SVIP: variants seen among roughly 807,000 people sequenced by gnomAD.
The protein encoded by SVIP is small VCP interacting protein.
Under a neutral mutation model 12.9 loss-of-function variants are expected in SVIP, and 14 were observed. The ratio of observed to expected loss-of-function variants is 1.08; its 90% CI spans 0.72 to 1.70. The LOEUF is 1.70. Among genes scored for constraint, SVIP ranks in the 40% most tolerant of loss-of-function variants. SVIP has a pLI of 0.00. For missense variants in SVIP, 93 were observed against 90.8 expected (o/e 1.02, Z -0.10); for synonymous variants, 35 against 33.3 (o/e 1.05, Z -0.17).
At position 22,823,508 on chromosome 11, in the gene SVIP, T is replaced by C. The variant is rs75680432; in HGVS notation, c.220-375A>G. Among the ~76,000 whole-genome samples the C allele has an allele frequency of 5.3e-3, 802 of 152,224 alleles. 12 individuals carry two copies. The highest frequency in any genetic ancestry group is 0.038 in the East Asian group (198 of 5,170). Reference sequence around the variant, plus strand: ...GTCCCTCCCTAAAGACAGGACGTCCTTCAATGCTTTAGCCCAAGGAGTCAT... The same window carrying C: ...GTCCCTCCCTAAAGACAGGACGTCCCTCAATGCTTTAGCCCAAGGAGTCAT... On this transcript the variant is annotated intron_variant, in intron 3 of 3. Transcript: ENST00000354193.
intron 3 of SVIP, among the ~76,000 whole-genome samples, chr11:22,826,337 C>T (rs1857701205): frequency 1.3e-5 from 2 of 151,620 alleles, no homozygotes; most frequent in South Asian, 2.1e-4. Flanking sequence ...TGTATATGTC[C>T]ATGTATATGT....
At position 22,822,168 on chromosome 11, in the gene SVIP, T is replaced by G; in HGVS notation, c.*951A>C. 1 of 152,214 alleles carries G rather than the reference T, an allele frequency of 6.6e-6. No individual in the cohort carries two copies. Among genetic ancestry groups the G allele is most frequent in the East Asian group, 1.9e-4 (1 of 5,206 alleles). The allele number at this position is 152,214 out of a possible 1,614,324, so 9.4% of individuals were successfully genotyped here. ...TTAAGGTTTATGACTATGCATTGTA[T>G]AGAATTACCTAATATTTTTATATCT... On this transcript the variant is annotated 3_prime_UTR_variant, in exon 4 of 4. Coordinates refer to ENST00000354193, the MANE Select transcript of SVIP (RefSeq NM_148893.3).
chr11:22,824,548 C>T (rs1002248071), intron 3 of SVIP, among the ~76,000 whole-genome samples: 1 of 149,568 alleles, frequency 6.7e-6, no homozygotes, highest in Admixed American at 6.7e-5. Context: ...AATAAATTTT[C>T]AACATTAAAG....
Position 22,822,015 on chromosome 11 carries a change from C to G in SVIP, c.*1104G>C, listed in dbSNP as rs965881511. On this transcript the variant is annotated 3_prime_UTR_variant, in exon 4 of 4. Transcript: ENST00000354193. ...TATCTGCAAATTTTAATTTAGGGCT[C>G]AACATGTGGCCTTGCCATTTAAAAG... The G allele has an allele frequency of 1.3e-5, 2 of 152,128 alleles. No individual in the cohort carries two copies. The highest frequency in any genetic ancestry group is 2.4e-5 in the African/African-American group (1 of 41,442). The allele number at this position is 152,128 out of a possible 1,614,324, so 9.4% of individuals were successfully genotyped here. A position where few individuals can be genotyped will look rare whatever the true frequency, so the allele number is the denominator to read the frequency against.
chr11:22,824,873 C>T (rs116413386), intron 3 of SVIP, among the ~76,000 whole-genome samples: 1 of 152,088 alleles, frequency 6.6e-6, no homozygotes, highest in Non-Finnish European at 1.5e-5. Context: ...TTTTTGAAAG[C>T]TGCCTATGAA....
At position 22,822,142 on chromosome 11, in the gene SVIP, G is replaced by A. The variant is rs2134742769; in HGVS notation, c.*977C>T. The A allele has an allele frequency of 6.6e-6, 1 of 152,200 alleles. No individual in the cohort carries two copies. Among genetic ancestry groups the A allele is most frequent in the Admixed American group, 6.5e-5 (1 of 15,292 alleles). 9.4% of individuals were successfully genotyped at this position (152,200 alleles called of 1,614,324 possible). ...ATTCATGTTTCTAATGAACAAAAAT[G>A]TTAAGGTTTATGACTATGCATTGTA... On this transcript the variant is annotated 3_prime_UTR_variant, in exon 4 of 4. Transcript: ENST00000354193.
In SVIP at chr11:22,819,019, T is replaced by C. The variant is rs1167315144; in HGVS notation, c.*4100A>G. On this transcript the variant is annotated 3_prime_UTR_variant, in exon 4 of 4. Coordinates refer to ENST00000354193, the MANE Select transcript of SVIP (RefSeq NM_148893.3). Reference sequence around the variant, plus strand: ...AATATTTTATTTGTTGATATTGTAATTTAAATTTTCCCACTTTCAATTACA... The same window carrying C: ...AATATTTTATTTGTTGATATTGTAACTTAAATTTTCCCACTTTCAATTACA... 6.6e-6 allele frequency: 1 copy of C among 152,240 alleles called. No homozygotes were observed. The highest frequency in any genetic ancestry group is 6.5e-5 in the Admixed American group (1 of 15,278). 9.4% of individuals were successfully genotyped at this position (152,240 alleles called of 1,614,324 possible).
Position 22,819,695 on chromosome 11 carries a change from C to G in SVIP, c.*3424G>C, listed in dbSNP as rs1857418603. 6.6e-6 allele frequency: 1 copy of G among 152,408 alleles called. No individual in the cohort carries two copies. The allele number at this position is 152,408 out of a possible 1,614,324, so 9.4% of individuals were successfully genotyped here. A position where few individuals can be genotyped will look rare whatever the true frequency, so the allele number is the denominator to read the frequency against. Reference sequence around the variant, plus strand: ...GCTGAGGCAGGAGAATCACTTGAACCTGGGAGGCAGAGGTTGCGGTGAGCT... The same window carrying G: ...GCTGAGGCAGGAGAATCACTTGAACGTGGGAGGCAGAGGTTGCGGTGAGCT... On this transcript the variant is annotated 3_prime_UTR_variant, in exon 4 of 4. Coordinates refer to ENST00000354193, the MANE Select transcript of SVIP (RefSeq NM_148893.3).
intron 3 of SVIP, among the ~76,000 whole-genome samples, chr11:22,824,148 A>C: frequency 6.6e-6 from 1 of 152,150 alleles, no homozygotes. Context: ...ATATCCAATA[A>C]TCAGTAAAGG....
rs1432635568 is a variant in SVIP, at chr11:22,829,728, A to T, written c.21T>A (p.Cys7Ter). MGLCFP[C>*]PGESAPPTPD... ...GCGTGGGAGGCGCGGACTCCCCGGG[A>T]CAAGGAAAACACAGCCCCATAGGGA... The change falls in exon 1 of 4, where the codon TGT (cysteine) becomes TGA (stop). Residue 7 changes from cysteine (C) to a stop codon, truncating the protein, a stop_gained. Transcript: ENST00000354193. LOFTEE classifies it high-confidence loss of function. The T allele has an allele frequency of 1.2e-6, 2 of 1,607,448 alleles. No homozygotes were observed. Among genetic ancestry groups the T allele is most frequent in the Non-Finnish European group, 1.7e-6 (2 of 1,177,842 alleles).
intron 1 of SVIP, 117 bp downstream of exon 1, chr11:22,829,578 G>C: frequency 9.3e-7 from 1 of 1,072,400 alleles, no homozygotes; most frequent in Non-Finnish European, 1.4e-6. Context: ...TCGCTAGCAG[G>C]GTCCCCCAGC....
At chr11:22,829,366 C>G (rs1857856704) in intron 1 of SVIP, 6 of 275,016 alleles carry the variant, frequency 2.2e-5, no homozygotes, top group Non-Finnish European at 3.4e-5. Flanking sequence ...TACCACATCC[C>G]CCGGAATGTC....
intron 2 of SVIP, among the ~76,000 whole-genome samples, chr11:22,827,594 TAA>T (rs1183177743): frequency 1.3e-5 from 2 of 152,120 alleles, no homozygotes; most frequent in African/African-American, 4.8e-5. Flanking sequence ...AGGATGTTAC[TAA>T]AAGAGTATCT....
At chr11:22,829,118 TACG>T (rs1490237833) in intron 1 of SVIP, 1 of 152,198 alleles carries the variant, frequency 6.6e-6, no homozygotes, top group Non-Finnish European at 1.5e-5. Context: ...TTTTATTAAA[TACG>T]ACATTATAAA....
At chr11:22,824,573 A>G (rs1248199331) in intron 3 of SVIP, among the ~76,000 whole-genome samples, 2 of 151,332 alleles carry the variant, frequency 1.3e-5, no homozygotes, top group African/African-American at 4.9e-5. Flanking sequence ...ATCCAAGTAA[A>G]CTTGCTTTTC....
At chr11:22,826,588 T>C (rs1276620930) in intron 3 of SVIP, among the ~76,000 whole-genome samples, 1 of 152,120 alleles carries the variant, frequency 6.6e-6, no homozygotes, top group Non-Finnish European at 1.5e-5. Flanking sequence ...CCTGCTAGAG[T>C]GTAAAGACTC....
chr11:22,825,538 G>A (rs1857665819), intron 3 of SVIP, among the ~76,000 whole-genome samples: 1 of 152,136 alleles, frequency 6.6e-6, no homozygotes, highest in Non-Finnish European at 1.5e-5. Context: ...TTTTTACTAA[G>A]TGAGTTTGAG....
intron 3 of SVIP, among the ~76,000 whole-genome samples, chr11:22,824,077 C>T (rs1212929216): frequency 6.6e-6 from 1 of 152,148 alleles, no homozygotes; most frequent in Non-Finnish European, 1.5e-5. Flanking sequence ...ATTCTGTCCA[C>T]TGGACTCTGA....
In SVIP at chr11:22,822,234, TC is replaced by T. The variant is rs1422468938; in HGVS notation, c.*884del. 1 of 152,204 alleles carries T rather than the reference TC, an allele frequency of 6.6e-6. No individual in the cohort carries two copies. Among genetic ancestry groups the T allele is most frequent in the Non-Finnish European group, 1.5e-5 (1 of 68,016 alleles). 9.4% of individuals were successfully genotyped at this position (152,204 alleles called of 1,614,324 possible). ...TAAGTACAGTACCTACATGTTTTTT[TC>T]ATACATTCATACTTGCCTTCGCAGT... On this transcript the variant is annotated 3_prime_UTR_variant, in exon 4 of 4. Transcript: ENST00000354193.
Sources: allele counts gnomAD v4.1 joint callset (sites outside exome capture counted in the v4.1 genomes callset), GRCh38; gene constraint gnomAD v4.1.1; transcripts MANE v1.5; gene names NCBI Gene and HGNC (gene_info 2026-07-23, HGNC 2026-07-21).